NOL4L: variants seen among roughly 807,000 people sequenced by gnomAD.
NOL4L encodes the protein nucleolar protein 4-like.
Under a neutral mutation model 64.5 loss-of-function variants are expected in NOL4L, and 7 were observed. That is an observed-to-expected ratio of 0.11 (90% CI 0.06 to 0.20). The LOEUF (loss-of-function observed/expected upper bound fraction) is 0.20, where lower values mean the gene tolerates loss of function less well. Among genes scored for constraint, NOL4L ranks in the 10% least tolerant of loss-of-function variants. The pLI is 1.00. For missense variants in NOL4L, 680 were observed against 967.1 expected, an observed-to-expected ratio of 0.70 and a Z score of 3.94; for synonymous variants, 413 against 401.0, an observed-to-expected ratio of 1.03 and a Z score of -0.36.
intron 4 of NOL4L, among the ~76,000 whole-genome samples, chr20:32,487,934 A>G (rs867122289): frequency 2.8e-5 from 3 of 105,976 alleles, no homozygotes; most frequent in Non-Finnish European, 5.6e-5. Context: ...TGTTGGTTTT[A>G]TTTTTTTTTT....
At position 32,462,903 on chromosome 20, in the gene NOL4L, T is replaced by TAAAAAAAAAAAAAAAAAAAA. The variant is rs564168973; in HGVS notation, c.842-6528_842-6509dup. On this transcript the variant is annotated intron_variant, in intron 5 of 10. Transcript: ENST00000621426. Reference sequence around the variant, plus strand: ...CTGGCGACAAAGCGAGACTCTGTCTTAAAAAAAAAAAAAAAAAAAACTGAT... The same window carrying TAAAAAAAAAAAAAAAAAAAA: ...CTGGCGACAAAGCGAGACTCTGTCTTAAAAAAAAAAAAAAAAAAAAAAAAAAAAAAAAAAAAAAAACTGAT... Among the ~76,000 whole-genome samples the TAAAAAAAAAAAAAAAAAAAA allele has an allele frequency of 4.0e-4, 31 of 76,636 alleles. 3 individuals are homozygous for TAAAAAAAAAAAAAAAAAAAA. The highest frequency in any genetic ancestry group is 4.6e-4 in the Non-Finnish European group (19 of 41,184). 50.3% of individuals were successfully genotyped at this position (76,636 alleles called of 152,430 possible).
In NOL4L at chr20:32,453,549, C is replaced by A. The variant is rs145652053; in HGVS notation, c.1305+27G>T. The A allele has an allele frequency of 8.6e-4, 1,381 of 1,613,714 alleles. 10 individuals carry two copies. Among genetic ancestry groups the A allele is most frequent in the Non-Finnish European group, 4.7e-4 (555 of 1,179,586 alleles). ...TGGCCCTGGCCTTGCCCCCATCCCA[C>A]CCCACCTGTTTCCGGCCGGTGCTCA... On this transcript the variant is annotated intron_variant, in intron 7 of 10. Coordinates refer to ENST00000621426, the MANE Select transcript of NOL4L (RefSeq NM_001256798.2). The surrounding 1 kb of genome is among the most constrained non-coding windows in gnomAD (Gnocchi z 5.6).
chr20:32,531,196 G>A (rs1274929194), intron 1 of NOL4L, among the ~76,000 whole-genome samples: 1 of 152,080 alleles, frequency 6.6e-6, no homozygotes, highest in East Asian at 1.9e-4. Context: ...GTTCAAAATT[G>A]TTTCAGACCA....
At chr20:32,490,032 G>A (rs1169999536) in intron 4 of NOL4L, among the ~76,000 whole-genome samples, 1 of 148,842 alleles carries the variant, frequency 6.7e-6, no homozygotes, top group Non-Finnish European at 1.5e-5. Flanking sequence ...GGGAGGCTGA[G>A]GCAGGAGAAT....
intron 2 of NOL4L, among the ~76,000 whole-genome samples, chr20:32,523,249 G>A (rs2018007995): frequency 6.6e-6 from 1 of 152,198 alleles, no homozygotes; most frequent in South Asian, 2.1e-4. Context: ...AGAAGTCCTT[G>A]GAACTGCCTG....
intron 4 of NOL4L, among the ~76,000 whole-genome samples, chr20:32,497,081 C>T (rs2016721702): frequency 2.8e-5 from 4 of 143,218 alleles, no homozygotes; most frequent in South Asian, 2.2e-4. Flanking sequence ...AAAAAAAGCC[C>T]GATAATGAGG....
intron 4 of NOL4L, among the ~76,000 whole-genome samples, chr20:32,506,802 C>A (rs2017158820): frequency 2.0e-5 from 3 of 152,286 alleles, no homozygotes; most frequent in African/African-American, 4.8e-5. Context: ...GGGGTCTGCT[C>A]CTCCTCACCT....
intron 4 of NOL4L, among the ~76,000 whole-genome samples, chr20:32,488,743 TTC>T (rs2145510286): frequency 6.7e-6 from 1 of 150,006 alleles, no homozygotes; most frequent in African/African-American, 2.4e-5. Context: ...TTTTCTTTCT[TTC>T]TTTTCCTTCC....
intron 2 of NOL4L, among the ~76,000 whole-genome samples, chr20:32,522,601 T>C (rs2017985089): frequency 6.6e-6 from 1 of 152,206 alleles, no homozygotes; most frequent in Non-Finnish European, 1.5e-5. Context: ...CCATCCTGTG[T>C]GCAGCCCTCA....
In NOL4L at chr20:32,460,474, G is replaced by A. The variant is rs564644817; in HGVS notation, c.842-4079C>T. On this transcript the variant is annotated intron_variant, in intron 5 of 10. Coordinates refer to ENST00000621426, the MANE Select transcript of NOL4L (RefSeq NM_001256798.2). This position sits in a 1 kb window ranked among gnomAD's most constrained non-coding sequence, Gnocchi z 5.7. ...TGCAACCTGAGGCCCATGTTTTGCC[G>A]ACTGGGGAGGCCACAGGTTTGAGCC... is the stretch of plus-strand genomic sequence containing the variant. Among the ~76,000 whole-genome samples, 1 of 152,156 alleles carries A rather than the reference G, an allele frequency of 6.6e-6. No homozygotes were observed. The highest frequency in any genetic ancestry group is 1.9e-4 in the East Asian group (1 of 5,196).
chr20:32,466,835 G>A (rs1340219067), intron 5 of NOL4L, among the ~76,000 whole-genome samples: 2 of 152,164 alleles, frequency 1.3e-5, no homozygotes, highest in East Asian at 3.9e-4. Context: ...GCTGGTGCAG[G>A]GGCCACACCT....
At chr20:32,475,776 G>A (rs901659598) in intron 4 of NOL4L, among the ~76,000 whole-genome samples, 6 of 152,154 alleles carry the variant, frequency 3.9e-5, no homozygotes, top group African/African-American at 7.2e-5. Context: ...CCCCTCCGGG[G>A]CCCCCCTCAC....
At chr20:32,459,202 T>A (rs2013823062) in intron 5 of NOL4L, among the ~76,000 whole-genome samples, 1 of 152,000 alleles carries the variant, frequency 6.6e-6, no homozygotes, top group Non-Finnish European at 1.5e-5. Flanking sequence ...TGCACCATTA[T>A]GTAAACAGAT....
At chr20:32,574,202 T>C (rs1287965473) in intron 1 of NOL4L, among the ~76,000 whole-genome samples, 1 of 152,234 alleles carries the variant, frequency 6.6e-6, no homozygotes, top group African/African-American at 2.4e-5. Flanking sequence ...GTCCCTACAG[T>C]GGCTCTGCCC....
At chr20:32,544,413 G>A (rs2018704607) in intron 1 of NOL4L, among the ~76,000 whole-genome samples, 1 of 152,132 alleles carries the variant, frequency 6.6e-6, no homozygotes, top group Admixed American at 6.5e-5. Flanking sequence ...GAAGGAGATA[G>A]CAGAAGAGAG....
At chr20:32,570,407 G>A (rs1471420277) in intron 1 of NOL4L, among the ~76,000 whole-genome samples, 1 of 152,206 alleles carries the variant, frequency 6.6e-6, no homozygotes, top group African/African-American at 2.4e-5. Context: ...AAGGCTTGGA[G>A]CTTGGGAACC....
intron 4 of NOL4L, among the ~76,000 whole-genome samples, chr20:32,476,582 G>A (rs1312303287): frequency 1.3e-5 from 2 of 152,228 alleles, no homozygotes; most frequent in South Asian, 2.1e-4. Context: ...GAGTATTCTA[G>A]TAACAGTTGA....
chr20:32,523,713 ACTGCCCTCCG>A (rs1471737240), intron 2 of NOL4L, among the ~76,000 whole-genome samples: 1 of 152,158 alleles, frequency 6.6e-6, no homozygotes, highest in African/African-American at 2.4e-5. Context: ...TCCCTGCCCA[ACTGCCCTCCG>A]CTGCCCTGGG....
At chr20:32,468,900 C>CAAAAAAAAAAAAAAAA (rs555969764) in intron 5 of NOL4L, among the ~76,000 whole-genome samples, 1 of 95,292 alleles carries the variant, frequency 1.0e-5, no homozygotes, top group Admixed American at 1.1e-4. Flanking sequence ...GACTCCATCT[C>CAAAAAAAAAAAAAAAA]AAAAAAAAAA....
Sources: allele counts gnomAD v4.1 joint callset (sites outside exome capture counted in the v4.1 genomes callset), GRCh38; gene constraint gnomAD v4.1.1; non-coding constraint Gnocchi (gnomAD v3.1); transcripts MANE v1.5; gene names NCBI Gene and HGNC (gene_info 2026-07-23, HGNC 2026-07-21).